The following MAGI2 variants were observed in gnomAD, a reference collection of about 807,000 sequenced individuals.
MAGI2 encodes the protein membrane-associated guanylate kinase, WW and PDZ domain-containing protein 2.
A neutral mutation model predicts 133.3 loss-of-function variants in MAGI2; 35 were observed. The observed-to-expected ratio is 0.26, with a 90% CI of 0.20 to 0.35. MAGI2 has a LOEUF of 0.35. Ranked by LOEUF, MAGI2 falls within the 10% of genes least tolerant of loss-of-function variation. MAGI2 has a pLI of 1.00. For synonymous variants in MAGI2, 729 were observed against 710.6 expected (o/e 1.03, Z -0.41); for missense variants, 1,636 against 1,863.4 (o/e 0.88, Z 2.25).
intron 2 of MAGI2, among the ~76,000 whole-genome samples, chr7:78,827,367 C>T (rs759453572): frequency 6.6e-6 from 1 of 152,176 alleles, no homozygotes; most frequent in Non-Finnish European, 1.5e-5. Flanking sequence ...CAGCCTCAAA[C>T]TCCTGGACTC....
chr7:78,047,665 T>C (rs1286126763), intron 21 of MAGI2, among the ~76,000 whole-genome samples: 2 of 152,232 alleles, frequency 1.3e-5, no homozygotes, highest in Non-Finnish European at 2.9e-5. Flanking sequence ...AATATTGTCC[T>C]TGTGGCCCCC....
At position 78,986,198 on chromosome 7, in the gene MAGI2, C is replaced by T. The variant is rs140621238; in HGVS notation, c.418+20892G>A. On this transcript the variant is annotated intron_variant, in intron 2 of 21. Transcript: ENST00000354212. ...TTGCATGAATACTAATTAATCTTAA[C>T]ATTTCCATGAAGAATGTAAATAAAA... 6.5e-4 allele frequency among the ~76,000 whole-genome samples: 99 copies of T among 152,208 alleles called. 1 individual carries two copies. Among genetic ancestry groups the T allele is most frequent in the African/African-American group, 2.3e-3 (96 of 41,558 alleles).
intron 3 of MAGI2, among the ~76,000 whole-genome samples, chr7:78,592,556 CAAT>C (rs1173116852): frequency 6.6e-6 from 1 of 151,708 alleles, no homozygotes; most frequent in African/African-American, 2.4e-5. Flanking sequence ...TGAAAGAAAA[CAAT>C]AAAGATACAA....
chr7:78,821,153 G>A (rs1790065067), intron 2 of MAGI2, among the ~76,000 whole-genome samples: 1 of 151,972 alleles, frequency 6.6e-6, no homozygotes, highest in South Asian at 2.1e-4. Context: ...TATTCGAGTT[G>A]GGTAACTACT....
At chr7:78,462,881 T>C (rs1790211596) in intron 6 of MAGI2, among the ~76,000 whole-genome samples, 1 of 152,108 alleles carries the variant, frequency 6.6e-6, no homozygotes, top group Admixed American at 6.5e-5. Flanking sequence ...ATGGCAGAAT[T>C]CACAACTTAA....
intron 1 of MAGI2, among the ~76,000 whole-genome samples, chr7:79,409,042 C>G (rs1845984415): frequency 6.6e-6 from 1 of 152,068 alleles, no homozygotes; most frequent in African/African-American, 2.4e-5. Flanking sequence ...AAATAACCCT[C>G]TACAGAAATA....
chr7:79,092,969 T>C (rs1025770997), intron 1 of MAGI2, among the ~76,000 whole-genome samples: 4 of 152,142 alleles, frequency 2.6e-5, no homozygotes, highest in Admixed American at 2.0e-4. Context: ...TCAAGTTACA[T>C]AGAAATAAAT....
intron 2 of MAGI2, among the ~76,000 whole-genome samples, chr7:78,777,838 T>C (rs1280387555): frequency 1.3e-5 from 2 of 151,816 alleles, no homozygotes; most frequent in East Asian, 3.9e-4. Flanking sequence ...TTAGTCTTTC[T>C]TCACCATAAA....
Position 78,070,575 on chromosome 7 carries a change from TATATATGTGTA to T in MAGI2, c.3706+8361_3706+8371del, listed in dbSNP as rs1440802997. ...GTGTATATATGTATATATATGTGTG[TATATATGTGTA>T]TATATATGTGTATATATGTGTATAT... On this transcript the variant is annotated intron_variant, in intron 21 of 21. Transcript: ENST00000354212. Among the ~76,000 whole-genome samples the T allele has an allele frequency of 4.5e-4, 30 of 66,914 alleles. No individual in the cohort carries two copies. The East Asian group carries it at 0.015, about 33-fold the overall frequency. 43.9% of individuals were successfully genotyped at this position (66,914 alleles called of 152,430 possible).
intron 6 of MAGI2, among the ~76,000 whole-genome samples, chr7:78,391,140 T>C (rs1489805914): frequency 6.6e-6 from 1 of 152,204 alleles, no homozygotes; most frequent in Non-Finnish European, 1.5e-5. Context: ...CCCAGAACTC[T>C]GAAATTCTCT....
At chr7:78,439,115 A>T (rs1787343558) in intron 6 of MAGI2, among the ~76,000 whole-genome samples, 1 of 152,130 alleles carries the variant, frequency 6.6e-6, no homozygotes, top group South Asian at 2.1e-4. Flanking sequence ...CCAAACACCC[A>T]CATGCAAATG....
chr7:78,655,850 G>A (rs1196802179), intron 2 of MAGI2, among the ~76,000 whole-genome samples: 15 of 151,574 alleles, frequency 9.9e-5, no homozygotes, highest in South Asian at 4.2e-4. Flanking sequence ...GCGCGGTGGC[G>A]GGCGCCTGTA....
intron 3 of MAGI2, among the ~76,000 whole-genome samples, chr7:78,535,716 G>A (rs1436003286): frequency 6.6e-6 from 1 of 152,010 alleles, no homozygotes; most frequent in African/African-American, 2.4e-5. Flanking sequence ...TGTCTTTGCA[G>A]GACTAACAAA....
chr7:78,047,811 C>T (rs574202208), intron 21 of MAGI2, among the ~76,000 whole-genome samples: 2 of 152,350 alleles, frequency 1.3e-5, no homozygotes, highest in South Asian at 2.1e-4. Context: ...ATTCCAGTCA[C>T]ACTCCTTTCC....
chr7:78,254,887 C>T (rs1349418886), intron 10 of MAGI2: 4 of 152,214 alleles, frequency 2.6e-5, no homozygotes, highest in Admixed American at 2.0e-4. Flanking sequence ...TGTTTACACT[C>T]GCCAGACATT....
At chr7:78,104,064 C>A (rs1467169760) in intron 20 of MAGI2, among the ~76,000 whole-genome samples, 4 of 152,152 alleles carry the variant, frequency 2.6e-5, no homozygotes, top group Non-Finnish European at 1.5e-5. Context: ...TGGGCTTCTA[C>A]AATACTCCTG....
chr7:79,181,788 CA>C lies in MAGI2; in HGVS notation c.302-174583del, dbSNP rs1826645100. Among the ~76,000 whole-genome samples, 3 of 152,074 alleles carry C rather than the reference CA, an allele frequency of 2.0e-5. No individual in the cohort carries two copies. The South Asian group carries it at 6.2e-4, about 32-fold the overall frequency. On this transcript the variant is annotated intron_variant, in intron 1 of 21. Transcript: ENST00000354212. ...AAAACTGAATGCCTTTAACAGCACC[CA>C]AGTCATCTCTTGAATGCTCTGCTGC...
intron 9 of MAGI2, among the ~76,000 whole-genome samples, chr7:78,290,119 G>T (rs890798097): frequency 2.6e-5 from 4 of 152,178 alleles, no homozygotes; most frequent in African/African-American, 9.7e-5. Context: ...AACCTTAAAT[G>T]TAAACGAACT....
chr7:78,822,128 T>G (rs1379470892), intron 2 of MAGI2, among the ~76,000 whole-genome samples: 1 of 152,054 alleles, frequency 6.6e-6, no homozygotes, highest in Non-Finnish European at 1.5e-5. Context: ...TAACAAAAGA[T>G]TTAAAAAGAT....
Sources: gnomAD v4.1 joint callset for allele counts (sites outside exome capture counted in the v4.1 genomes callset) on GRCh38, gnomAD v4.1.1 for gene constraint, MANE v1.5 for transcripts, NCBI Gene and HGNC (gene_info 2026-07-23, HGNC 2026-07-21) for gene names.